Variants in TSGA10 observed in about 807,000 individuals in gnomAD.
TSGA10 encodes testis specific 10.
TSGA10 carries 43 observed loss-of-function variants against 96.6 expected under a neutral mutation model. The observed-to-expected ratio is 0.44, with a 90% confidence interval of 0.35 to 0.57. The LOEUF (loss-of-function observed/expected upper bound fraction) is 0.57, where lower values mean the gene tolerates loss of function less well. Ranked by LOEUF, TSGA10 falls within the 20% of genes least tolerant of loss-of-function variation. The pLI, the probability that TSGA10 is intolerant of heterozygous loss-of-function variation, is 0.01. For missense variants in TSGA10, 703 were observed against 834.4 expected (o/e 0.84, Z 1.94); for synonymous variants, 229 against 269.9 (o/e 0.85, Z 1.48).
intron 15 of TSGA10, among the ~76,000 whole-genome samples, chr2:99,065,735 CA>C (rs1397144795): frequency 1.3e-5 from 2 of 152,162 alleles, no homozygotes; most frequent in Non-Finnish European, 2.9e-5. Flanking sequence ...TGAAATTGCT[CA>C]GAAGTAAACT....
rs912289966 is a variant in TSGA10 at position 99,118,478 on chromosome 2, CAT to C, written c.-356+71_-356+72del. On this transcript the variant is annotated intron_variant, in intron 3 of 20. Coordinates refer to ENST00000393483, the MANE Select transcript of TSGA10 (RefSeq NM_025244.4). ...AAAAAAAAAAAAAAAAGTATATATA[CAT>C]ATATATATACGTATATATATGTGTA... 415 of 373,604 alleles carry C rather than the reference CAT, an allele frequency of 1.1e-3. 1 individual carries two copies. The highest frequency in any genetic ancestry group is 1.4e-3 in the Non-Finnish European group (379 of 274,336). 23.1% of individuals were successfully genotyped at this position (373,604 alleles called of 1,614,324 possible). A position where few individuals can be genotyped will look rare whatever the true frequency, so the allele number is the denominator to read the frequency against.
intron 10 of TSGA10, among the ~76,000 whole-genome samples, chr2:99,093,792 G>A (rs2089668882): frequency 6.6e-6 from 1 of 152,016 alleles, no homozygotes; most frequent in African/African-American, 2.4e-5. Flanking sequence ...GCTCATGGAT[G>A]AGTACAATCA....
At chr2:99,080,899 T>A (rs1558950109) in intron 11 of TSGA10, among the ~76,000 whole-genome samples, 1 of 152,096 alleles carries the variant, frequency 6.6e-6, no homozygotes, top group Non-Finnish European at 1.5e-5. Flanking sequence ...GATAAGTGAG[T>A]TCTCGCTAGA....
At chr2:99,021,015 C>A (rs966996972) in intron 17 of TSGA10, among the ~76,000 whole-genome samples, 2 of 150,400 alleles carry the variant, frequency 1.3e-5, no homozygotes, top group African/African-American at 4.9e-5. Context: ...CTTGCATAAA[C>A]TTGTGGAAAG....
rs1292623929 is a variant in TSGA10, at chr2:99,071,860, G to A, written c.953C>T (p.Ala318Val). The change falls in exon 14 of 21, where the codon GCC becomes GTC. Residue 318 changes from alanine (A) to valine (V), a missense_variant. Around this residue, in one of 3 missense-constraint regions of TSGA10, gnomAD observed 585 missense variants for 656.8 expected, o/e 0.89. Coordinates refer to ENST00000393483, the MANE Select transcript of TSGA10 (RefSeq NM_025244.4). Reference sequence around the variant, plus strand: ...AACGTCTTGTTCACACACAATTAGGGCCTCAGTACACTGTCTATTCCACAA... The same window carrying A: ...AACGTCTTGTTCACACACAATTAGGACCTCAGTACACTGTCTATTCCACAA... ...MEQASRQCTE[A>V]LIVCEQDVSR... 2 of 1,613,506 alleles carry A rather than the reference G, an allele frequency of 1.2e-6. No individual in the cohort carries two copies. The highest frequency in any genetic ancestry group is 1.1e-5 in the South Asian group (1 of 90,968).
chr2:99,084,907 C>T (rs537188986), intron 10 of TSGA10, among the ~76,000 whole-genome samples: 38 of 151,572 alleles, frequency 2.5e-4, no homozygotes, highest in Admixed American at 2.2e-3. Context: ...CATTTAAAAA[C>T]GAAACAAAAC....
At chr2:99,097,552 T>C in intron 10 of TSGA10, among the ~76,000 whole-genome samples, 1 of 152,156 alleles carries the variant, frequency 6.6e-6, no homozygotes, top group Admixed American at 6.5e-5. Context: ...AGGTAATCAC[T>C]AAAAGAATAA....
intron 20 of TSGA10, among the ~76,000 whole-genome samples, chr2:99,003,111 C>A (rs371010202): frequency 2.0e-5 from 3 of 152,146 alleles, no homozygotes; most frequent in African/African-American, 4.8e-5. Flanking sequence ...CCTGCCTCGG[C>A]CTCCCAAAGT....
chr2:99,079,986 T>C (rs2087238976), intron 11 of TSGA10, among the ~76,000 whole-genome samples: 1 of 152,204 alleles, frequency 6.6e-6, no homozygotes, highest in South Asian at 2.1e-4. Context: ...TCTGAGTTCA[T>C]TCCCACTGGC....
chr2:99,063,354 T>G (rs777948360), intron 16 of TSGA10, among the ~76,000 whole-genome samples: 1 of 152,136 alleles, frequency 6.6e-6, no homozygotes, highest in Non-Finnish European at 1.5e-5. Context: ...GTATAAACTA[T>G]ATAGGAAAAT....
chr2:99,016,023 G>A (rs1275744508), intron 20 of TSGA10, among the ~76,000 whole-genome samples: 1 of 152,078 alleles, frequency 6.6e-6, no homozygotes, highest in African/African-American at 2.4e-5. Flanking sequence ...ACAAACAAAT[G>A]GAAACACATC....
intron 1 of TSGA10, among the ~76,000 whole-genome samples, chr2:99,144,383 A>G (rs2093610376): frequency 6.6e-6 from 1 of 151,996 alleles, no homozygotes; most frequent in Non-Finnish European, 1.5e-5. Flanking sequence ...GTTCCAGGCA[A>G]TGTCCATTCA....
intron 16 of TSGA10, among the ~76,000 whole-genome samples, chr2:99,058,550 T>C (rs1039909974): frequency 8.5e-5 from 13 of 152,126 alleles, no homozygotes; most frequent in African/African-American, 2.9e-4. Flanking sequence ...ACTCCTTCTT[T>C]GGAAAGATAA....
In TSGA10 at chr2:98,998,341, T is replaced by C. The variant is rs990131623; in HGVS notation, c.2073-120A>G. ...AACGTAAGATTTTTCTTCATTTCTA[T>C]GAAGGAAAACAAAAAACAATATATT... On this transcript the variant is annotated intron_variant, in intron 20 of 20. Transcript: ENST00000393483. 2.3e-5 allele frequency: 18 copies of C among 781,438 alleles called. No homozygotes were observed. The African/African-American group carries it at 3.2e-4, about 14-fold the overall frequency. 48.4% of individuals were successfully genotyped at this position (781,438 alleles called of 1,614,324 possible). A position where few individuals can be genotyped will look rare whatever the true frequency, so the allele number is the denominator to read the frequency against.
chr2:99,080,161 A>G (rs911589338), intron 11 of TSGA10, among the ~76,000 whole-genome samples: 1 of 152,072 alleles, frequency 6.6e-6, no homozygotes, highest in East Asian at 1.9e-4. Context: ...TTCACTTCCC[A>G]TTTATTCCTC....
intron 17 of TSGA10, among the ~76,000 whole-genome samples, chr2:99,028,127 G>C (rs2080807405): frequency 6.6e-6 from 1 of 152,126 alleles, no homozygotes; most frequent in African/African-American, 2.4e-5. Flanking sequence ...CTCTTTGACT[G>C]TCTCTCTCTG....
chr2:99,058,374 T>C (rs2104415137), intron 16 of TSGA10, among the ~76,000 whole-genome samples: 1 of 152,222 alleles, frequency 6.6e-6, no homozygotes, highest in African/African-American at 2.4e-5. Flanking sequence ...ATACCTTAAA[T>C]GCTTAGAAAA....
At position 99,115,972 on chromosome 2, in the gene TSGA10, C is replaced by T. The variant is rs1034816558; in HGVS notation, c.-140+1572G>A. On this transcript the variant is annotated intron_variant, in intron 4 of 20. Coordinates refer to ENST00000393483, the MANE Select transcript of TSGA10 (RefSeq NM_025244.4). The stretch of plus-strand genomic sequence containing the variant: ...TGAGGTTACTGCATAAAAATACATA[C>T]AATCCTAGAGGTCATCAATTGGACT... Among the ~76,000 whole-genome samples, 10 of 152,180 alleles carry T rather than the reference C, an allele frequency of 6.6e-5. 1 individual carries two copies. Among genetic ancestry groups the T allele is most frequent in the Admixed American group, 5.2e-4 (8 of 15,274 alleles).
intron 10 of TSGA10, among the ~76,000 whole-genome samples, chr2:99,091,370 A>G (rs1037599394): frequency 6.6e-6 from 1 of 152,156 alleles, no homozygotes; most frequent in Non-Finnish European, 1.5e-5. Flanking sequence ...GTAAATACAT[A>G]CATGCATGCA....
Sources: allele counts gnomAD v4.1 joint callset (sites outside exome capture counted in the v4.1 genomes callset), GRCh38; gene constraint gnomAD v4.1.1; regional missense constraint gnomAD v4.1.1; transcripts MANE v1.5; gene names NCBI Gene and HGNC (gene_info 2026-07-23, HGNC 2026-07-21).